Variants in OPCML observed in about 807,000 individuals in gnomAD.
OPCML encodes opioid binding protein/cell adhesion molecule like.
OPCML carries 13 observed loss-of-function variants against 37.8 expected under a neutral mutation model. The observed-to-expected ratio is 0.34, with a 90% CI of 0.22 to 0.55. The LOEUF (loss-of-function observed/expected upper bound fraction) is 0.55. Among genes scored for constraint, OPCML ranks in the 20% least tolerant of loss-of-function variants. The pLI, the probability that OPCML is intolerant of heterozygous loss-of-function variation, is 0.91. For missense variants in OPCML, 341 were observed against 435.6 expected, an observed-to-expected ratio of 0.78 and a Z score of 1.93; for synonymous variants, 176 against 168.8, an observed-to-expected ratio of 1.04 and a Z score of -0.33.
chr11:133,285,199 C>T (rs1408676801), intron 1 of OPCML, among the ~76,000 whole-genome samples: 3 of 152,096 alleles, frequency 2.0e-5, no homozygotes, highest in Non-Finnish European at 4.4e-5. Context: ...ATTTAGAAGA[C>T]GTCAGTGGCT....
intron 2 of OPCML, among the ~76,000 whole-genome samples, chr11:132,934,186 T>G (rs1021664187): frequency 2.6e-5 from 4 of 152,060 alleles, no homozygotes; most frequent in Non-Finnish European, 5.9e-5. Flanking sequence ...TGGTAAGCAT[T>G]GGAAAGTCCT....
intron 3 of OPCML, among the ~76,000 whole-genome samples, chr11:132,619,700 A>T (rs1939278678): frequency 7.2e-6 from 1 of 137,936 alleles, no homozygotes. Context: ...AAAAAAAAAA[A>T]AATTAGCCGG....
chr11:132,583,303 T>C (rs1037920787), intron 3 of OPCML, among the ~76,000 whole-genome samples: 2 of 152,078 alleles, frequency 1.3e-5, no homozygotes, highest in Non-Finnish European at 2.9e-5. Context: ...TTTTGTTTGT[T>C]TGTTTGTTTG....
At chr11:133,055,154 G>A (rs1333496120) in intron 1 of OPCML, among the ~76,000 whole-genome samples, 3 of 148,510 alleles carry the variant, frequency 2.0e-5, no homozygotes, top group African/African-American at 5.1e-5. Flanking sequence ...CCCCATGAGG[G>A]AGCCGCCTCT....
At chr11:132,426,120 A>T (rs1026700189) in intron 7 of OPCML, among the ~76,000 whole-genome samples, 5 of 152,210 alleles carry the variant, frequency 3.3e-5, no homozygotes, top group Admixed American at 6.5e-5. Flanking sequence ...GCAAAGCCAC[A>T]AAATAAACTG....
chr11:133,530,085 T>C (rs4460831), intron 1 of OPCML, among the ~76,000 whole-genome samples: 61,778 of 152,018 alleles, frequency 0.41, 17,791 homozygotes, highest in African/African-American at 0.81. Flanking sequence ...CCCCAGAAGA[T>C]GGGGGCAGGG....
chr11:132,506,144 T>C (rs772190904), intron 4 of OPCML, among the ~76,000 whole-genome samples: 1 of 152,176 alleles, frequency 6.6e-6, no homozygotes, highest in Non-Finnish European at 1.5e-5. Context: ...AGGGTAAAGA[T>C]TGTGACCTTT....
chr11:132,487,546 C>A (rs753690347), intron 4 of OPCML, among the ~76,000 whole-genome samples: 2 of 152,158 alleles, frequency 1.3e-5, no homozygotes, highest in Non-Finnish European at 2.9e-5. Context: ...GTTTGCTGCA[C>A]GAACACCTCA....
chr11:132,674,055 A>G (rs1337000469), intron 2 of OPCML, among the ~76,000 whole-genome samples: 5 of 152,210 alleles, frequency 3.3e-5, no homozygotes, highest in East Asian at 1.9e-4. Context: ...GAGGCTCTTC[A>G]AAGTGTTTAG....
At chr11:132,524,485 G>C (rs1210709941) in intron 4 of OPCML, among the ~76,000 whole-genome samples, 2 of 152,086 alleles carry the variant, frequency 1.3e-5, no homozygotes, top group African/African-American at 4.8e-5. Flanking sequence ...TAAGCCATTG[G>C]CTGCTATTGA....
intron 1 of OPCML, among the ~76,000 whole-genome samples, chr11:132,973,172 C>G (rs1435096620): frequency 6.6e-6 from 1 of 152,184 alleles, no homozygotes; most frequent in Non-Finnish European, 1.5e-5. Flanking sequence ...TGGCTCCATC[C>G]TGGCCTAGAT....
chr11:133,067,108 C>T (rs1948453601), intron 1 of OPCML: 1 of 152,226 alleles, frequency 6.6e-6, no homozygotes, highest in East Asian at 1.9e-4. Context: ...GACTCTTTCC[C>T]TGTTGCTCCC....
intron 3 of OPCML, among the ~76,000 whole-genome samples, chr11:132,593,686 G>A (rs181148743): frequency 2.0e-5 from 3 of 152,254 alleles, no homozygotes; most frequent in African/African-American, 7.2e-5. Flanking sequence ...AAGTTTAGAG[G>A]TACAGCCAAC....
intron 1 of OPCML, among the ~76,000 whole-genome samples, chr11:133,324,159 T>A (rs576682923): frequency 6.6e-6 from 1 of 152,216 alleles, no homozygotes; most frequent in Non-Finnish European, 1.5e-5. Flanking sequence ...ATTTTGCTCA[T>A]TAAAATTCCT....
intron 3 of OPCML, among the ~76,000 whole-genome samples, chr11:132,595,262 T>A (rs1350316938): frequency 6.6e-6 from 1 of 152,066 alleles, no homozygotes; most frequent in Non-Finnish European, 1.5e-5. Flanking sequence ...AGGAGGATTT[T>A]AAAAAGTAAA....
chr11:132,885,151 A>G (rs982170956), intron 2 of OPCML, among the ~76,000 whole-genome samples: 2 of 152,240 alleles, frequency 1.3e-5, no homozygotes, highest in Non-Finnish European at 2.9e-5. Context: ...AAGACATGGC[A>G]TAAGACCTCT....
intron 2 of OPCML, among the ~76,000 whole-genome samples, chr11:132,671,918 T>C (rs1942493068): frequency 1.3e-5 from 2 of 152,228 alleles, no homozygotes; most frequent in Non-Finnish European, 2.9e-5. Flanking sequence ...CTCTGTACTT[T>C]ACAGCCAATA....
chr11:132,650,538 T>TAG (rs1941377586), intron 3 of OPCML, among the ~76,000 whole-genome samples: 1 of 152,040 alleles, frequency 6.6e-6, no homozygotes, highest in Admixed American at 6.5e-5. Flanking sequence ...ATTTGCAGCT[T>TAG]AGAGACCCCT....
At chr11:132,496,853 G>C (rs938633967) in intron 4 of OPCML, among the ~76,000 whole-genome samples, 1 of 152,192 alleles carries the variant, frequency 6.6e-6, no homozygotes, top group Non-Finnish European at 1.5e-5. Context: ...GAGAAGATCA[G>C]GATAGGTTTG....
Sources: gnomAD v4.1 joint callset for allele counts (sites outside exome capture counted in the v4.1 genomes callset) on GRCh38, gnomAD v4.1.1 for gene constraint, MANE v1.5 for transcripts, NCBI Gene and HGNC (gene_info 2026-07-23, HGNC 2026-07-21) for gene names.